Variants in ADAMTS12 observed in about 807,000 individuals in gnomAD.
ADAMTS12 encodes A disintegrin and metalloproteinase with thrombospondin motifs 12.
ADAMTS12 carries 118 observed loss-of-function variants against 167.8 expected under a neutral mutation model. The observed-to-expected ratio is 0.70, with a 90% CI of 0.61 to 0.82. ADAMTS12 has a LOEUF of 0.82. Among genes scored for constraint, ADAMTS12 ranks in the 40% least tolerant of loss-of-function variants. The pLI, the probability that ADAMTS12 is intolerant of heterozygous loss-of-function variation, is 0.00. For missense variants in ADAMTS12, 1,916 were observed against 1,998.8 expected (o/e 0.96, Z 0.79); for synonymous variants, 704 against 716.9 (o/e 0.98, Z 0.29).
chr5:33,788,794 A>C (rs1252915825), intron 2 of ADAMTS12, among the ~76,000 whole-genome samples: 1 of 152,212 alleles, frequency 6.6e-6, no homozygotes, highest in African/African-American at 2.4e-5. Flanking sequence ...CAGTTACTAA[A>C]GCACATGCGC....
intron 8 of ADAMTS12, 58 bp downstream of exon 8, chr5:33,649,496 A>G (rs576746218): frequency 5.7e-6 from 9 of 1,585,300 alleles, no homozygotes; most frequent in Non-Finnish European, 7.7e-6. Context: ...GTAAAACTCA[A>G]TGCAGCTTCC....
intron 12 of ADAMTS12, among the ~76,000 whole-genome samples, chr5:33,634,344 T>C (rs1740094936): frequency 6.6e-6 from 1 of 152,054 alleles, no homozygotes; most frequent in Non-Finnish European, 1.5e-5. Context: ...TTCTTAAACA[T>C]TTTACCTTTG....
intron 18 of ADAMTS12, among the ~76,000 whole-genome samples, chr5:33,577,642 C>T (rs1746827337): frequency 6.6e-6 from 1 of 152,152 alleles, no homozygotes; most frequent in African/African-American, 2.4e-5. Flanking sequence ...ACACATTTTC[C>T]CCAGGTACCT....
chr5:33,835,907 ATCTCTCTCTC>A (rs60393220), intron 2 of ADAMTS12, among the ~76,000 whole-genome samples: 1 of 111,800 alleles, frequency 8.9e-6, no homozygotes, highest in Non-Finnish European at 1.7e-5. Context: ...GATAATATCC[ATCTCTCTCTC>A]TCTCTCTCTC....
rs151205059 is a variant in ADAMTS12 at position 33,586,187 on chromosome 5, C to T, written c.2865+2412G>A. The stretch of plus-strand genomic sequence containing the variant: ...GACAAAATCTAGATAATAAATACTG[C>T]CTGCCAAGAATCACTATGTCACCTC... On this transcript the variant is annotated intron_variant, in intron 18 of 23. Transcript: ENST00000504830. Among the ~76,000 whole-genome samples the T allele has an allele frequency of 6.0e-4, 92 of 152,184 alleles. 3 individuals carry two copies. In the South Asian group the frequency reaches 7.5e-3, roughly 12 times the overall value.
rs1255319526 is a variant in ADAMTS12 at position 33,648,835 on chromosome 5, C to A, written c.1466G>T (p.Cys489Phe). The change falls in exon 9 of 24, where the codon TGC (cysteine) becomes TTC (phenylalanine). Residue 489 changes from cysteine (C) to phenylalanine (F), a missense_variant. Physicochemically the swap from Cys to Phe is radical, Grantham distance 205 (BLOSUM62 -2). Coordinates refer to ENST00000504830, the MANE Select transcript of ADAMTS12 (RefSeq NM_030955.4). ...AGGTACACTTACTTCTACTTCCTGG[C>A]AGAAGGTAGCATTGGGTCCATATTG... ...QLQYGPNATF[C>F]QEVENVCQTL... The A allele has an allele frequency of 6.2e-7, 1 of 1,614,026 alleles. No homozygotes were observed. The highest frequency in any genetic ancestry group is 1.7e-5 in the Admixed American group (1 of 60,022).
At chr5:33,878,851 C>T (rs925909071) in intron 2 of ADAMTS12, among the ~76,000 whole-genome samples, 2 of 152,182 alleles carry the variant, frequency 1.3e-5, no homozygotes, top group African/African-American at 4.8e-5. Flanking sequence ...TTAAAGCTAG[C>T]CAGCTAGTCT....
intron 3 of ADAMTS12, among the ~76,000 whole-genome samples, chr5:33,741,006 GGAACT>G (rs1744556304): frequency 6.6e-6 from 1 of 152,230 alleles, no homozygotes; most frequent in Non-Finnish European, 1.5e-5. Context: ...CCCCAAGCAT[GGAACT>G]CTTTCTAGTG....
At chr5:33,704,308 T>A (rs1476353663) in intron 3 of ADAMTS12, among the ~76,000 whole-genome samples, 1 of 152,220 alleles carries the variant, frequency 6.6e-6, no homozygotes, top group African/African-American at 2.4e-5. Flanking sequence ...GCAATGAACA[T>A]GGGAAAGCAG....
intron 19 of ADAMTS12, among the ~76,000 whole-genome samples, chr5:33,567,510 G>C (rs1170849299): frequency 6.6e-6 from 1 of 152,188 alleles, no homozygotes; most frequent in Non-Finnish European, 1.5e-5. Context: ...CTGTTTGAAA[G>C]GTACTGGCAG....
chr5:33,861,967 T>C (rs1271903368), intron 2 of ADAMTS12, among the ~76,000 whole-genome samples: 2 of 152,104 alleles, frequency 1.3e-5, no homozygotes, highest in African/African-American at 4.8e-5. Context: ...ATAAAGAACA[T>C]CTTTGAAACC....
At chr5:33,627,272 T>C (rs1739701618) in intron 13 of ADAMTS12, among the ~76,000 whole-genome samples, 1 of 146,254 alleles carries the variant, frequency 6.8e-6, no homozygotes, top group Non-Finnish European at 1.5e-5. Flanking sequence ...GTAGAGGTAG[T>C]GGTGGTTATG....
At chr5:33,689,412 CAA>C (rs56858878) in intron 3 of ADAMTS12, among the ~76,000 whole-genome samples, 27,079 of 148,364 alleles carry the variant, frequency 0.18, 2,582 homozygotes, top group East Asian at 0.25. Flanking sequence ...AGGATCAACT[CAA>C]AAAAAAAAAA....
At chr5:33,688,044 T>C (rs1046485626) in intron 3 of ADAMTS12, among the ~76,000 whole-genome samples, 1 of 152,166 alleles carries the variant, frequency 6.6e-6, no homozygotes, top group Admixed American at 6.5e-5. Context: ...ACTCTCTAAT[T>C]AGGCTTTAAG....
chr5:33,678,890 C>G (rs995068704), intron 5 of ADAMTS12, among the ~76,000 whole-genome samples: 1 of 152,120 alleles, frequency 6.6e-6, no homozygotes, highest in African/African-American at 2.4e-5. Flanking sequence ...AAAGAGATAA[C>G]TGTAGCTTGA....
intron 21 of ADAMTS12, among the ~76,000 whole-genome samples, chr5:33,548,991 A>T (rs1056562489): frequency 2.0e-5 from 3 of 152,196 alleles, no homozygotes; most frequent in African/African-American, 7.2e-5. Flanking sequence ...TGTGATTAAA[A>T]CTATAACACA....
chr5:33,538,564 T>G (rs1437118666), intron 22 of ADAMTS12, among the ~76,000 whole-genome samples: 1 of 152,200 alleles, frequency 6.6e-6, no homozygotes. Flanking sequence ...ATTAGCCCTC[T>G]AAGGGGAGAC....
intron 5 of ADAMTS12, among the ~76,000 whole-genome samples, chr5:33,667,208 C>T (rs1741504178): frequency 6.7e-6 from 1 of 149,576 alleles, no homozygotes; most frequent in Non-Finnish European, 1.5e-5. Flanking sequence ...ATCCCAGCTA[C>T]TTGGGAGGCT....
At position 33,891,957 on chromosome 5, in the gene ADAMTS12, T is replaced by C. The variant is rs536873634; in HGVS notation, c.-101A>G. On this transcript the variant is annotated 5_prime_UTR_variant, in exon 1 of 24. An upstream start codon of the reference 5' UTR is lost. Coordinates refer to ENST00000504830, the MANE Select transcript of ADAMTS12 (RefSeq NM_030955.4). ...CCCAGCAGGAAGATGCAGGGGTGCATGGTCAGGCGCGAGAAGGCAGCGACT... is the reference window on the plus strand; with the variant it reads ...CCCAGCAGGAAGATGCAGGGGTGCACGGTCAGGCGCGAGAAGGCAGCGACT... 1 of 1,463,884 alleles carries C rather than the reference T, an allele frequency of 6.8e-7. No homozygotes were observed. Among genetic ancestry groups the C allele is most frequent in the South Asian group, 1.4e-5 (1 of 73,128 alleles). 90.7% of individuals were successfully genotyped at this position (1,463,884 alleles called of 1,614,324 possible).
Sources: gnomAD v4.1 joint callset for allele counts (sites outside exome capture counted in the v4.1 genomes callset) on GRCh38, gnomAD v4.1.1 for gene constraint, MANE v1.5 for transcripts, NCBI Gene and HGNC (gene_info 2026-07-23, HGNC 2026-07-21) for gene names.